KIR2DL1: variants seen among roughly 807,000 people sequenced by gnomAD.
KIR2DL1 encodes killer cell immunoglobulin-like receptor 2DL1.
Under a neutral mutation model 33.9 loss-of-function variants are expected in KIR2DL1, and 38 were observed. That is an observed-to-expected ratio of 1.12 (90% CI 0.86 to 1.47). The LOEUF (loss-of-function observed/expected upper bound fraction) is 1.47, where lower values mean the gene tolerates loss of function less well. Ranked by LOEUF, KIR2DL1 falls within the 40% of genes most tolerant of loss-of-function variation. KIR2DL1 has a pLI of 0.00. For missense variants in KIR2DL1, 531 were observed against 433.9 expected (o/e 1.22, Z -1.99); for synonymous variants, 179 against 165.9 (o/e 1.08, Z -0.61).
intron 2 of KIR2DL1, among the ~76,000 whole-genome samples, chr19:54,771,965 T>C (rs1301595206): frequency 1.4e-5 from 2 of 147,946 alleles, no homozygotes; most frequent in Non-Finnish European, 3.0e-5. Flanking sequence ...GGGCGTGTCC[T>C]TGCGGGTCCC....
rs687485 is a variant in KIR2DL1, at chr19:54,773,534, C to A, written c.272C>A (p.Thr91Lys). The change falls in exon 3 of 8, where the codon ACG (threonine) becomes AAG (lysine). Residue 91 changes from threonine to lysine, a missense_variant. Transcript: ENST00000336077. ...SKANFSISRM[T>K]QDLAGTYRCY... ...GCCAACTTCTCCATCAGTCGCATGA[C>A]GCAAGACCTGGCAGGGACCTACAGA... The A allele has an allele frequency of 0.21, 318,375 of 1,531,212 alleles. 4,710 individuals carry two copies. The highest frequency in any genetic ancestry group is 0.29 in the South Asian group (25,833 of 88,290). 94.9% of individuals were successfully genotyped at this position (1,531,212 alleles called of 1,614,324 possible).
chr19:54,783,585 A>G (rs756705131), intron 7 of KIR2DL1, 47 bp downstream of exon 7: 1 of 1,613,804 alleles, frequency 6.2e-7, no homozygotes, highest in Admixed American at 1.7e-5. Flanking sequence ...ATTCCCAAAG[A>G]GTCCTGGAAA....
At chr19:54,772,394 C>G (rs2075836555) in intron 2 of KIR2DL1, among the ~76,000 whole-genome samples, 2 of 146,314 alleles carry the variant, frequency 1.4e-5, no homozygotes, top group Non-Finnish European at 3.0e-5. Flanking sequence ...CTGCAGGTGC[C>G]TTGATTTTAC....
intron 5 of KIR2DL1, among the ~76,000 whole-genome samples, chr19:54,778,952 A>C (rs138043100): frequency 0.051 from 7,464 of 146,378 alleles, 562 homozygotes; most frequent in Non-Finnish European, 0.079. Context: ...CTGCATTCCT[A>C]ACTGGAGGAT....
chr19:54,783,684 T>A lies in KIR2DL1; in HGVS notation c.918T>A (p.Asn306Lys). The A allele has an allele frequency of 6.2e-7, 1 of 1,613,892 alleles. No individual in the cohort carries two copies. Among genetic ancestry groups the A allele is most frequent in the East Asian group, 2.2e-5 (1 of 44,854 alleles). The change falls in exon 8 of 8, where the codon AAT becomes AAA. Residue 306 changes from asparagine (N) to lysine (K), a missense_variant. By Grantham distance (94) the Asn-to-Lys change is moderately conservative. Coordinates refer to ENST00000336077, the MANE Select transcript of KIR2DL1 (RefSeq NM_014218.3). ...DPQEVTYTQL[N>K]HCVFTQRKIT... ...AGGAGGTGACATACACACAGTTGAATCACTGCGTTTTCACACAGAGAAAAA... is the reference window on the plus strand; with the variant it reads ...AGGAGGTGACATACACACAGTTGAAACACTGCGTTTTCACACAGAGAAAAA...
At position 54,783,574 on chromosome 19, in the gene KIR2DL1, T is replaced by G. The variant is rs768074019; in HGVS notation, c.870+36T>G. ...CTCGGCCCGGGCTCGTGGCTACTGT[T>G]ATTCCCAAAGAGTCCTGGAAAATGT... On this transcript the variant is annotated intron_variant, in intron 7 of 7. Coordinates refer to ENST00000336077, the MANE Select transcript of KIR2DL1 (RefSeq NM_014218.3). The G allele has an allele frequency of 1.9e-6, 3 of 1,613,936 alleles. No homozygotes were observed. In the South Asian group the frequency reaches 3.3e-5, roughly 18 times the overall value.
chr19:54,783,928 T>A lies in KIR2DL1; in HGVS notation c.*115T>A. ...GAATCTGAAGGCGTGAGTCTGCATC[T>A]TAGGGCATCGATCTTCCTCACACCA... On this transcript the variant is annotated 3_prime_UTR_variant, in exon 8 of 8. Transcript: ENST00000336077. 1 of 1,438,402 alleles carries A rather than the reference T, an allele frequency of 7.0e-7. No homozygotes were observed. Among genetic ancestry groups the A allele is most frequent in the Non-Finnish European group, 9.8e-7 (1 of 1,022,190 alleles). 89.1% of individuals were successfully genotyped at this position (1,438,402 alleles called of 1,614,324 possible).
rs1188780217 is a variant in KIR2DL1 at position 54,775,709 on chromosome 19, A to AG, written c.664+254dup. 8.7e-5 allele frequency among the ~76,000 whole-genome samples: 13 copies of AG among 148,766 alleles called. No individual in the cohort carries two copies. In the East Asian group the frequency reaches 1.4e-3, roughly 16 times the overall value. ...AAAGCGGTCAGGAGAGACCCAGAGG[A>AG]GGGAGACTGGGCTCAGTTTGGGGAG... is the stretch of plus-strand genomic sequence containing the variant. On this transcript the variant is annotated intron_variant, in intron 4 of 7. Coordinates refer to ENST00000336077, the MANE Select transcript of KIR2DL1 (RefSeq NM_014218.3).
chr19:54,774,544 G>A (rs1455435098), intron 3 of KIR2DL1, among the ~76,000 whole-genome samples: 1 of 148,266 alleles, frequency 6.7e-6, no homozygotes, highest in Non-Finnish European at 1.5e-5. Flanking sequence ...ATAGGTAGAT[G>A]ATAGATAATA....
rs188339431 is a variant in KIR2DL1 at position 54,773,695 on chromosome 19, G to C, written c.370+63G>C. 1.2e-3 allele frequency: 1,831 copies of C among 1,472,718 alleles called. 164 individuals carry two copies. Among genetic ancestry groups the C allele is most frequent in the Non-Finnish European group, 1.5e-4 (159 of 1,072,268 alleles). 91.2% of individuals were successfully genotyped at this position (1,472,718 alleles called of 1,614,324 possible). A position where few individuals can be genotyped will look rare whatever the true frequency, so the allele number is the denominator to read the frequency against. On this transcript the variant is annotated intron_variant, in intron 3 of 7. Transcript: ENST00000336077. The stretch of plus-strand genomic sequence containing the variant: ...ATGCAGAGTGAATGATCCAGGAATT[G>C]GAGACCCAGGTGGCTGTAAGGAAGA...
At position 54,772,756 on chromosome 19, in the gene KIR2DL1, A is replaced by C. The variant is rs1455688002; in HGVS notation, c.71-577A>C. 4.2e-5 allele frequency among the ~76,000 whole-genome samples: 6 copies of C among 143,550 alleles called. 1 individual carries two copies. The highest frequency in any genetic ancestry group is 4.4e-4 in the South Asian group (2 of 4,504). 94.2% of individuals were successfully genotyped at this position (143,550 alleles called of 152,430 possible). On this transcript the variant is annotated intron_variant, in intron 2 of 7. Transcript: ENST00000336077. ...ACCAAACAAGGAGAAGGTTGGCTAC[A>C]CTGAGATCAGCAAGGCTCAGATGAT...
In KIR2DL1 at chr19:54,776,408, G is replaced by A. The variant is rs865899377; in HGVS notation, c.664+950G>A. On this transcript the variant is annotated intron_variant, in intron 4 of 7. Transcript: ENST00000336077. ...CAGTTCCATCCATGTGGCTGCAAAT[G>A]ACAGGATGTTATTCTTTCTATGGAT... 2.7e-4 allele frequency among the ~76,000 whole-genome samples: 39 copies of A among 145,770 alleles called. 2 individuals are homozygous for A. In the Middle Eastern group the frequency reaches 0.01, roughly 39 times the overall value.
chr19:54,779,734 G>A (rs1254002076), intron 5 of KIR2DL1, among the ~76,000 whole-genome samples: 3 of 149,572 alleles, frequency 2.0e-5, no homozygotes, highest in Admixed American at 6.8e-5. Flanking sequence ...GGGTGGGACA[G>A]CATTCTCCTG....
intron 2 of KIR2DL1, among the ~76,000 whole-genome samples, chr19:54,771,811 G>T (rs1467574751): frequency 6.8e-6 from 1 of 147,926 alleles, no homozygotes; most frequent in African/African-American, 2.5e-5. Context: ...CACACGCAGG[G>T]ACCTATACAT....
Position 54,770,947 on chromosome 19 carries a change from G to A in KIR2DL1, c.70+63G>A, listed in dbSNP as rs2075644973. 4.5e-6 allele frequency: 7 copies of A among 1,559,990 alleles called. 1 individual carries two copies. The highest frequency in any genetic ancestry group is 4.4e-6 in the Non-Finnish European group (5 of 1,135,442). On this transcript the variant is annotated intron_variant, in intron 2 of 7. Transcript: ENST00000336077. ...ACATAAGAGGATTTTCCTGAAATGGGAGGGAAGTCCTGTCAGGGAGTCTCT... is the reference window on the plus strand; with the variant it reads ...ACATAAGAGGATTTTCCTGAAATGGAAGGGAAGTCCTGTCAGGGAGTCTCT...
chr19:54,778,679 C>T lies in KIR2DL1; in HGVS notation c.715+17C>T, dbSNP rs1274217311. 4 of 1,507,106 alleles carry T rather than the reference C, an allele frequency of 2.7e-6. No homozygotes were observed. The highest frequency in any genetic ancestry group is 2.7e-6 in the Non-Finnish European group (3 of 1,099,374). 93.4% of individuals were successfully genotyped at this position (1,507,106 alleles called of 1,614,324 possible). On this transcript the variant is annotated intron_variant, in intron 5 of 7. Coordinates refer to ENST00000336077, the MANE Select transcript of KIR2DL1 (RefSeq NM_014218.3). ...CCAAAACCGGTGAGTACAGAACCCT[C>T]TTATATCCGCTTTTGGAACCCTGGG...
chr19:54,770,679 G>A (rs1354674249), intron 1 of KIR2DL1, among the ~76,000 whole-genome samples, 170 bp from the exon 2 acceptor site: 2 of 148,456 alleles, frequency 1.3e-5, no homozygotes, highest in African/African-American at 2.5e-5. Context: ...CCTGGAGGCT[G>A]GGTCTCTGCA....
At chr19:54,772,518 G>A (rs2147441394) in intron 2 of KIR2DL1, among the ~76,000 whole-genome samples, 1 of 145,844 alleles carries the variant, frequency 6.9e-6, no homozygotes, top group East Asian at 2.0e-4. Flanking sequence ...ACCAACACTG[G>A]AACCCAGGTC....
intron 4 of KIR2DL1, among the ~76,000 whole-genome samples, chr19:54,777,780 G>T (rs2916006): frequency 1.4e-5 from 2 of 141,608 alleles, no homozygotes; most frequent in Non-Finnish European, 3.1e-5. Context: ...CCAATATTTT[G>T]TTCTACGTGT....
Sources: allele counts gnomAD v4.1 joint callset (sites outside exome capture counted in the v4.1 genomes callset), GRCh38; gene constraint gnomAD v4.1.1; transcripts MANE v1.5; gene names NCBI Gene and HGNC (gene_info 2026-07-23, HGNC 2026-07-21).